The following TDRD7 variants were observed in gnomAD, a reference collection of about 807,000 sequenced individuals.
TDRD7 encodes tudor domain-containing protein 7.
In TDRD7, 47 loss-of-function variants were observed where a neutral mutation model predicts 109.8. That is an observed-to-expected ratio of 0.43 (90% CI 0.34 to 0.55). The LOEUF (loss-of-function observed/expected upper bound fraction) is 0.55, where lower values mean the gene tolerates loss of function less well. Among genes scored for constraint, TDRD7 ranks in the 20% least tolerant of loss-of-function variants. The pLI is 0.03. For synonymous variants in TDRD7, 424 were observed against 457.3 expected (o/e 0.93, Z 0.93); for missense variants, 1,164 against 1,319.2 (o/e 0.88, Z 1.82).
At chr9:97,482,773 T>C in intron 14 of TDRD7, 76 bp from the exon 15 acceptor site, 2 of 1,497,410 alleles carry the variant, frequency 1.3e-6, no homozygotes, top group African/African-American at 2.8e-5. Context: ...GTTTTAATGA[T>C]TAAGGTTACT....
At chr9:97,450,946 C>T (rs1292628075) in intron 6 of TDRD7, among the ~76,000 whole-genome samples, 1 of 151,196 alleles carries the variant, frequency 6.6e-6, no homozygotes, top group African/African-American at 2.4e-5. Flanking sequence ...TGACTGGCAA[C>T]CCCTAGTAGC....
At chr9:97,416,846 C>G (rs972623545) in intron 1 of TDRD7, among the ~76,000 whole-genome samples, 1 of 150,868 alleles carries the variant, frequency 6.6e-6, no homozygotes, top group African/African-American at 2.4e-5. Flanking sequence ...TCTCGGTGGG[C>G]TAGGCACTAG....
intron 6 of TDRD7, among the ~76,000 whole-genome samples, chr9:97,455,853 G>C (rs1314523531): frequency 6.6e-6 from 1 of 152,150 alleles, no homozygotes; most frequent in Non-Finnish European, 1.5e-5. Flanking sequence ...GAAATAAAGG[G>C]TATTCAAATA....
intron 6 of TDRD7, among the ~76,000 whole-genome samples, chr9:97,443,421 G>A (rs796557682): frequency 3.9e-5 from 6 of 152,268 alleles, no homozygotes; most frequent in African/African-American, 1.2e-4. Context: ...ATTAATATTC[G>A]TAAGAATGTG....
At chr9:97,487,883 T>C (rs991742590) in intron 16 of TDRD7, among the ~76,000 whole-genome samples, 1 of 152,158 alleles carries the variant, frequency 6.6e-6, no homozygotes, top group Non-Finnish European at 1.5e-5. Flanking sequence ...ATCTACATAA[T>C]AGAGTATTAT....
At chr9:97,461,700 A>G (rs1044930140) in intron 7 of TDRD7, among the ~76,000 whole-genome samples, 18 of 152,244 alleles carry the variant, frequency 1.2e-4, no homozygotes, top group Non-Finnish European at 2.6e-4. Context: ...ATGGGAACCT[A>G]TGTAGCTGAA....
chr9:97,478,126 T>C (rs1374332178), intron 12 of TDRD7, among the ~76,000 whole-genome samples: 1 of 152,064 alleles, frequency 6.6e-6, no homozygotes, highest in African/African-American at 2.4e-5. Context: ...CTGGTTGTGG[T>C]GGTGGGCACC....
rs1052075754 is a variant in TDRD7, at chr9:97,461,785, G to C, written c.1442+1021G>C. On this transcript the variant is annotated intron_variant, in intron 7 of 16. Coordinates refer to ENST00000355295, the MANE Select transcript of TDRD7 (RefSeq NM_014290.3). ...AAATGCTGAAGCAAACAGAATCTGG[G>C]CTCCTTCAACCAAATGGTCCTTTGG... is the stretch of plus-strand genomic sequence containing the variant. Among the ~76,000 whole-genome samples the C allele has an allele frequency of 6.6e-5, 10 of 152,288 alleles. No individual in the cohort carries two copies. In the East Asian group the frequency reaches 1.9e-3, roughly 29 times the overall value.
intron 4 of TDRD7, among the ~76,000 whole-genome samples, chr9:97,438,821 A>G (rs1828247140): frequency 6.6e-6 from 1 of 152,208 alleles, no homozygotes; most frequent in Admixed American, 6.5e-5. Context: ...ACCTGTCTGT[A>G]CAACTCATTT....
chr9:97,480,044 A>G (rs1419138179), intron 13 of TDRD7, among the ~76,000 whole-genome samples: 6 of 152,222 alleles, frequency 3.9e-5, no homozygotes, highest in African/African-American at 9.6e-5. Context: ...GAGCAAGGAA[A>G]GGCTTAGAGC....
intron 2 of TDRD7, among the ~76,000 whole-genome samples, chr9:97,429,167 G>C (rs62557505): frequency 0.19 from 28,532 of 152,004 alleles, 2,829 homozygotes; most frequent in East Asian, 0.28. Context: ...CTTCTCTTCT[G>C]TTCTTTTCCT....
intron 4 of TDRD7, among the ~76,000 whole-genome samples, chr9:97,435,502 G>A (rs1219087062): frequency 2.0e-5 from 3 of 151,596 alleles, no homozygotes; most frequent in Non-Finnish European, 4.4e-5. Context: ...TGGACATGGT[G>A]GTGTGCACCT....
intron 1 of TDRD7, among the ~76,000 whole-genome samples, chr9:97,420,702 C>T (rs1455263227): frequency 6.6e-6 from 1 of 151,966 alleles, no homozygotes; most frequent in African/African-American, 2.4e-5. Flanking sequence ...TGATTGTTTC[C>T]AGTTTGGGGG....
chr9:97,468,008 A>T (rs1048612659), intron 8 of TDRD7, among the ~76,000 whole-genome samples: 2 of 152,242 alleles, frequency 1.3e-5, no homozygotes, highest in Admixed American at 6.5e-5. Context: ...ATTTGTTGAA[A>T]TTGGGAAGTC....
intron 15 of TDRD7, among the ~76,000 whole-genome samples, chr9:97,484,182 C>T (rs1829171336): frequency 6.6e-6 from 1 of 152,190 alleles, no homozygotes; most frequent in Admixed American, 6.5e-5. Flanking sequence ...TTTCACTACT[C>T]TTTGGCCTTG....
chr9:97,460,661 A>C lies in TDRD7; in HGVS notation c.1339A>C (p.Thr447Pro). 2 of 1,614,182 alleles carry C rather than the reference A, an allele frequency of 1.2e-6. No homozygotes were observed. The highest frequency in any genetic ancestry group is 2.2e-5 in the South Asian group (2 of 91,080). ...AGAAAGCATTGCTGAAAGTGCTAAT[A>C]CCTTTATGGAGGACATAACAGTTCC... ...VEESIAESAN[T>P]FMEDITVPPL... Residue 447 changes from threonine (T) to proline (P), a missense_variant, in exon 7 of 17, where the codon ACC (threonine) becomes CCC (proline). Physicochemically the swap from Thr to Pro is conservative, Grantham distance 38. Around this residue, in one of 5 missense-constraint regions of TDRD7, gnomAD observed 407 missense variants for 394.0 expected, o/e 1.03. Coordinates refer to ENST00000355295, the MANE Select transcript of TDRD7 (RefSeq NM_014290.3).
intron 9 of TDRD7, among the ~76,000 whole-genome samples, chr9:97,471,007 G>A (rs916822802): frequency 6.6e-6 from 1 of 152,086 alleles, no homozygotes; most frequent in African/African-American, 2.4e-5. Context: ...AGCATGTTGT[G>A]AGGTGACTCT....
intron 16 of TDRD7, among the ~76,000 whole-genome samples, chr9:97,493,869 G>C (rs1370078567): frequency 6.6e-6 from 1 of 152,216 alleles, no homozygotes; most frequent in Non-Finnish European, 1.5e-5. Flanking sequence ...GTTCCGCCCG[G>C]CTTACTGGCA....
intron 6 of TDRD7, among the ~76,000 whole-genome samples, chr9:97,452,877 G>A (rs1828523835): frequency 6.6e-6 from 1 of 152,180 alleles, no homozygotes; most frequent in African/African-American, 2.4e-5. Context: ...AACTTGTGCT[G>A]GTCATGTCAG....
Sources: gnomAD v4.1 joint callset for allele counts (sites outside exome capture counted in the v4.1 genomes callset) on GRCh38, gnomAD v4.1.1 for gene constraint, gnomAD v4.1.1 regional missense constraint, MANE v1.5 for transcripts, NCBI Gene and HGNC (gene_info 2026-07-23, HGNC 2026-07-21) for gene names.